Variants in STXBP5L observed in about 807,000 individuals in gnomAD.
The protein encoded by STXBP5L is syntaxin binding protein 5L.
STXBP5L carries 65 observed loss-of-function variants against 144.5 expected under a neutral mutation model. The observed-to-expected ratio is 0.45, with a 90% CI of 0.37 to 0.55. The LOEUF is 0.55. Ranked by LOEUF, STXBP5L falls within the 20% of genes least tolerant of loss-of-function variation. The pLI is 0.00. For synonymous variants in STXBP5L, 505 were observed against 469.6 expected (o/e 1.08, Z -0.97); for missense variants, 1,298 against 1,405.5 (o/e 0.92, Z 1.22).
intron 7 of STXBP5L, among the ~76,000 whole-genome samples, chr3:121,144,241 A>C (rs1256783383): frequency 2.6e-5 from 4 of 151,706 alleles, no homozygotes; most frequent in Non-Finnish European, 5.9e-5. Context: ...GTGTCAGGGG[A>C]AGAGAAGTTT....
intron 3 of STXBP5L, among the ~76,000 whole-genome samples, chr3:120,976,344 A>C (rs1175273119): frequency 6.6e-6 from 1 of 152,160 alleles, no homozygotes; most frequent in Non-Finnish European, 1.5e-5. Flanking sequence ...AGGTGTTTGT[A>C]GTATTCTCTG....
chr3:121,100,983 C>T (rs542799186), intron 5 of STXBP5L, among the ~76,000 whole-genome samples: 1 of 151,712 alleles, frequency 6.6e-6, no homozygotes, highest in Non-Finnish European at 1.5e-5. Context: ...ACACAAACTA[C>T]GTTATCTAGA....
intron 5 of STXBP5L, among the ~76,000 whole-genome samples, chr3:121,052,028 C>T (rs1427140171): frequency 4.6e-5 from 7 of 152,194 alleles, no homozygotes; most frequent in East Asian, 1.9e-4. Context: ...AAGACTAAAC[C>T]AGGGAGACGT....
At chr3:121,367,088 A>G (rs1428638663) in intron 20 of STXBP5L, among the ~76,000 whole-genome samples, 2 of 152,198 alleles carry the variant, frequency 1.3e-5, no homozygotes, top group Non-Finnish European at 2.9e-5. Context: ...TTTATACCAT[A>G]TGTACCCCAC....
At position 121,161,998 on chromosome 3, in the gene STXBP5L, C is replaced by G. The variant is rs1453785729; in HGVS notation, c.877+4371C>G. On this transcript the variant is annotated intron_variant, in intron 9 of 26. Transcript: ENST00000471454. ...TATGATGCAATTAGACAACACAAAACAAAAATGAATTAGGAAAACTATTAC... is the reference window on the plus strand; with the variant it reads ...TATGATGCAATTAGACAACACAAAAGAAAAATGAATTAGGAAAACTATTAC... Among the ~76,000 whole-genome samples, 3 of 151,986 alleles carry G rather than the reference C, an allele frequency of 2.0e-5. No individual in the cohort carries two copies. The East Asian group carries it at 5.8e-4, about 29-fold the overall frequency.
chr3:121,186,854 C>G (rs1305083108), intron 9 of STXBP5L, among the ~76,000 whole-genome samples: 2 of 152,084 alleles, frequency 1.3e-5, no homozygotes, highest in Non-Finnish European at 2.9e-5. Flanking sequence ...CAAATCAAAA[C>G]CACAATGAGA....
intron 3 of STXBP5L, among the ~76,000 whole-genome samples, chr3:120,977,970 C>G (rs1268443081): frequency 6.6e-6 from 1 of 152,112 alleles, no homozygotes; most frequent in Non-Finnish European, 1.5e-5. Flanking sequence ...CTCTGGCTGC[C>G]CTTAACATTT....
intron 5 of STXBP5L, among the ~76,000 whole-genome samples, chr3:121,050,031 C>G (rs1947841118): frequency 6.6e-6 from 1 of 152,162 alleles, no homozygotes; most frequent in East Asian, 1.9e-4. Context: ...GAGGACTCCT[C>G]TGGCTCCATG....
At chr3:121,156,144 G>C (rs1311852555) in intron 8 of STXBP5L, among the ~76,000 whole-genome samples, 1 of 151,948 alleles carries the variant, frequency 6.6e-6, no homozygotes, top group Admixed American at 6.6e-5. Flanking sequence ...CAGAGTGAGA[G>C]AAAACACAAG....
In STXBP5L at chr3:121,279,929, C is replaced by T; in HGVS notation, c.2083C>T (p.Pro695Ser). 6.2e-7 allele frequency: 1 copy of T among 1,611,586 alleles called. No homozygotes were observed. Among genetic ancestry groups the T allele is most frequent in the Non-Finnish European group, 8.5e-7 (1 of 1,178,544 alleles). Residue 695 changes from proline to serine, a missense_variant, in exon 19 of 27, where the codon CCT becomes TCT. By Grantham distance (74) the Pro-to-Ser change is moderately conservative. Transcript: ENST00000471454. ...CTTATACCAGCGACAACCACGGTCT[C>T]CTCGAAAAAACAAACAGTTCATTGC... ...SDLYQRQPRS[P>S]RKNKQFIAGL...
intron 18 of STXBP5L, among the ~76,000 whole-genome samples, chr3:121,267,791 C>G (rs2050617656): frequency 6.6e-6 from 1 of 151,836 alleles, no homozygotes; most frequent in South Asian, 2.1e-4. Context: ...ATGCAGCCAA[C>G]AAATATATGA....
chr3:121,177,891 A>G lies in STXBP5L; in HGVS notation c.877+20264A>G, dbSNP rs560958944. On this transcript the variant is annotated intron_variant, in intron 9 of 26. Coordinates refer to ENST00000471454, the MANE Select transcript of STXBP5L (RefSeq NM_001308330.2). ...AAGCAACTGAATTGTCCTTCAACAG[A>G]TGACTGGATAAACAAAATGTGGTAT... 2.0e-5 allele frequency among the ~76,000 whole-genome samples: 3 copies of G among 152,354 alleles called. No individual in the cohort carries two copies. In the South Asian group the frequency reaches 6.2e-4, roughly 32 times the overall value.
At chr3:121,054,323 A>T (rs1576797186) in intron 5 of STXBP5L, among the ~76,000 whole-genome samples, 1 of 152,170 alleles carries the variant, frequency 6.6e-6, no homozygotes, top group South Asian at 2.1e-4. Context: ...TCACAATAGC[A>T]AAGACTTGGA....
intron 13 of STXBP5L, 56 bp from the exon 14 acceptor site, chr3:121,240,384 T>G: frequency 6.7e-7 from 1 of 1,503,414 alleles, no homozygotes; most frequent in Non-Finnish European, 9.1e-7. Context: ...ATTTTCATTT[T>G]AAATTTCTAA....
intron 5 of STXBP5L, among the ~76,000 whole-genome samples, chr3:121,074,480 G>T (rs753960161): frequency 2.6e-5 from 4 of 152,028 alleles, no homozygotes; most frequent in Non-Finnish European, 4.4e-5. Flanking sequence ...TAATCCCATG[G>T]GTGGCTTCTG....
intron 9 of STXBP5L, among the ~76,000 whole-genome samples, chr3:121,201,202 A>G (rs116309436): frequency 1.1e-4 from 16 of 152,270 alleles, no homozygotes; most frequent in African/African-American, 3.9e-4. Flanking sequence ...ATACCACTGT[A>G]TTGGGAGCAT....
intron 5 of STXBP5L, among the ~76,000 whole-genome samples, chr3:121,054,892 A>G (rs777363829): frequency 3.6e-4 from 45 of 124,164 alleles, no homozygotes; most frequent in South Asian, 9.9e-4. Context: ...GTATACTTTT[A>G]TGTGGATGGA....
At chr3:121,046,378 T>A (rs968347862) in intron 5 of STXBP5L, among the ~76,000 whole-genome samples, 1 of 152,186 alleles carries the variant, frequency 6.6e-6, no homozygotes, top group South Asian at 2.1e-4. Flanking sequence ...CCTCATAGAA[T>A]CAGTTGGAGA....
At position 121,184,658 on chromosome 3, in the gene STXBP5L, A is replaced by G. The variant is rs2047296703; in HGVS notation, c.878-21265A>G. On this transcript the variant is annotated intron_variant, in intron 9 of 26. Transcript: ENST00000471454. ...AACACTCTTCAGGATATTATCCAGG[A>G]GAACTTCCCCAACCTAGCAAGACAG... 2.0e-5 allele frequency among the ~76,000 whole-genome samples: 3 copies of G among 152,334 alleles called. No individual in the cohort carries two copies. The South Asian group carries it at 6.2e-4, about 32-fold the overall frequency.
Sources: allele counts gnomAD v4.1 joint callset (sites outside exome capture counted in the v4.1 genomes callset), GRCh38; gene constraint gnomAD v4.1.1; transcripts MANE v1.5; gene names NCBI Gene and HGNC (gene_info 2026-07-23, HGNC 2026-07-21).